PTPRG: variants seen among roughly 807,000 people sequenced by gnomAD.
PTPRG encodes the protein receptor-type tyrosine-protein phosphatase gamma.
Under a neutral mutation model 165.3 loss-of-function variants are expected in PTPRG, and 102 were observed. The ratio of observed to expected loss-of-function variants is 0.62; its 90% confidence interval spans 0.53 to 0.73. The LOEUF is 0.73. Ranked by LOEUF, PTPRG falls within the 30% of genes least tolerant of loss-of-function variation. The probability of loss-of-function intolerance (pLI) is 0.00; values close to 1 mark genes in which losing one functional copy is unlikely to be tolerated. For synonymous variants in PTPRG, 675 were observed against 669.5 expected, an observed-to-expected ratio of 1.01 and a Z score of -0.13; for missense variants, 1,866 against 1,861.4, an observed-to-expected ratio of 1.00 and a Z score of -0.05.
At position 61,924,519 on chromosome 3, in the gene PTPRG, T is replaced by C. The variant is rs184702566; in HGVS notation, c.191-65106T>C. Among the ~76,000 whole-genome samples the C allele has an allele frequency of 2.8e-4, 43 of 152,346 alleles. No homozygotes were observed. In the East Asian group the frequency reaches 8.3e-3, roughly 29 times the overall value. On this transcript the variant is annotated intron_variant, in intron 2 of 29. Coordinates refer to ENST00000474889, the MANE Select transcript of PTPRG (RefSeq NM_002841.4). ...TTAAAAAGTATGAGCTTAATTACAA[T>C]TGGCACAAATTGTTCAGCATCTCCC...
chr3:61,938,340 T>G (rs1305861140), intron 2 of PTPRG, among the ~76,000 whole-genome samples: 1 of 152,138 alleles, frequency 6.6e-6, no homozygotes, highest in East Asian at 1.9e-4. Flanking sequence ...GAAAATGGGT[T>G]TTAAGAAGGC....
intron 6 of PTPRG, among the ~76,000 whole-genome samples, chr3:62,149,778 A>T (rs77429441): frequency 6.6e-6 from 1 of 152,122 alleles, no homozygotes; most frequent in African/African-American, 2.4e-5. Context: ...TGCTGACTCC[A>T]TGTCTAGTGT....
intron 3 of PTPRG, among the ~76,000 whole-genome samples, chr3:61,991,820 A>G (rs185435326): frequency 6.6e-6 from 1 of 152,194 alleles, no homozygotes; most frequent in Non-Finnish European, 1.5e-5. Flanking sequence ...TTCGGCAAAG[A>G]TAACACGTTT....
intron 12 of PTPRG, among the ~76,000 whole-genome samples, chr3:62,211,762 G>A (rs1215584519): frequency 2.6e-5 from 4 of 152,116 alleles, no homozygotes; most frequent in African/African-American, 9.7e-5. Flanking sequence ...TTCTTGTCCT[G>A]TAGCAGAAGT....
chr3:61,683,055 G>A (rs144946408), intron 1 of PTPRG, among the ~76,000 whole-genome samples: 4 of 152,244 alleles, frequency 2.6e-5, no homozygotes, highest in African/African-American at 9.6e-5. Flanking sequence ...TTTGGTTTTA[G>A]GCCTAACAAA....
chr3:61,620,051 A>C (rs1433438807), intron 1 of PTPRG, among the ~76,000 whole-genome samples: 1 of 152,194 alleles, frequency 6.6e-6, no homozygotes, highest in Non-Finnish European at 1.5e-5. Context: ...TTTTGTATAC[A>C]CAGTTCAGAA....
intron 2 of PTPRG, among the ~76,000 whole-genome samples, chr3:61,854,656 A>G (rs1354232789): frequency 6.6e-6 from 1 of 152,174 alleles, no homozygotes; most frequent in African/African-American, 2.4e-5. Context: ...CTAGTGGACT[A>G]GATATAGATG....
chr3:61,778,065 C>G (rs1029964868), intron 2 of PTPRG, among the ~76,000 whole-genome samples: 3 of 152,168 alleles, frequency 2.0e-5, no homozygotes, highest in Admixed American at 6.5e-5. Flanking sequence ...TGTGGCTCCA[C>G]TGGAGGTTGT....
intron 1 of PTPRG, among the ~76,000 whole-genome samples, chr3:61,719,265 C>T (rs535756173): frequency 4.6e-5 from 7 of 152,290 alleles, no homozygotes; most frequent in East Asian, 1.9e-4. Context: ...AAGATGTAAT[C>T]GAGGAAAGGC....
intron 2 of PTPRG, among the ~76,000 whole-genome samples, chr3:61,887,119 CATGCATATATATATATAT>C (rs1262171113): frequency 0.067 from 6,940 of 103,302 alleles, 643 homozygotes; most frequent in African/African-American, 0.13. Context: ...ATAACCATAG[CATGCATATATATATATAT>C]ATATATATAT....
intron 1 of PTPRG, among the ~76,000 whole-genome samples, chr3:61,645,844 A>T (rs1356441499): frequency 6.6e-6 from 1 of 152,220 alleles, no homozygotes; most frequent in East Asian, 1.9e-4. Context: ...CCAATACCAG[A>T]TCTAGCCTAA....
chr3:62,041,052 G>A (rs1362338073), intron 4 of PTPRG, among the ~76,000 whole-genome samples: 1 of 152,196 alleles, frequency 6.6e-6, no homozygotes, highest in Non-Finnish European at 1.5e-5. Flanking sequence ...ACCATTCAGT[G>A]TCTCTGTCTC....
intron 28 of PTPRG, among the ~76,000 whole-genome samples, chr3:62,287,530 G>A (rs1702712452): frequency 6.6e-6 from 1 of 152,106 alleles, no homozygotes. Context: ...TAAAAGATAG[G>A]ATACTAGTGG....
intron 26 of PTPRG, among the ~76,000 whole-genome samples, chr3:62,281,158 C>T (rs1432870058): frequency 6.6e-6 from 1 of 151,990 alleles, no homozygotes; most frequent in East Asian, 1.9e-4. Flanking sequence ...AAATGCAGTT[C>T]AACTACAGAA....
At chr3:62,033,441 GCAACCT>G (rs1299183663) in intron 4 of PTPRG, among the ~76,000 whole-genome samples, 1 of 146,016 alleles carries the variant, frequency 6.8e-6, no homozygotes, top group Non-Finnish European at 1.5e-5. Flanking sequence ...ATGGCTCACT[GCAACCT>G]CAACCTCCCG....
intron 4 of PTPRG, among the ~76,000 whole-genome samples, chr3:62,036,760 G>T (rs1699952635): frequency 6.6e-6 from 1 of 152,220 alleles, no homozygotes; most frequent in African/African-American, 2.4e-5. Context: ...CATAGCTAAG[G>T]TAATGTGCTT....
intron 21 of PTPRG, 95 bp from the exon 22 acceptor site, chr3:62,272,851 A>G (rs771211768): frequency 3.8e-6 from 5 of 1,330,102 alleles, no homozygotes; most frequent in Non-Finnish European, 5.0e-6. Flanking sequence ...CAGAAAAATA[A>G]TAAAATAAAT....
chr3:62,074,352 C>CTTTTTTTTTTTTTTTTTTTTTT lies in PTPRG; in HGVS notation c.520-3790_520-3789insTTTTTTTTTTTTTTTTTTTTTT, dbSNP rs200189646. 2.6e-4 allele frequency among the ~76,000 whole-genome samples: 28 copies of CTTTTTTTTTTTTTTTTTTTTTT among 109,112 alleles called. 1 individual carries two copies. The highest frequency in any genetic ancestry group is 4.0e-4 in the Non-Finnish European group (22 of 55,056). The allele number at this position is 109,112 out of a possible 152,430, so 71.6% of individuals were successfully genotyped here. On this transcript the variant is annotated intron_variant, in intron 4 of 29. Transcript: ENST00000474889. ...TTTTTTCCTTTCTTTTCTTTTCTTT[C>CTTTTTTTTTTTTTTTTTTTTTT]TTTTTTTTTTTTTTTTTTTTTGAGA...
At chr3:61,756,410 G>T (rs925575138) in intron 2 of PTPRG, among the ~76,000 whole-genome samples, 14 of 152,124 alleles carry the variant, frequency 9.2e-5, no homozygotes, top group African/African-American at 3.4e-4. Context: ...AACACATATG[G>T]TCACACACTA....
Sources: gnomAD v4.1 joint callset for allele counts (sites outside exome capture counted in the v4.1 genomes callset) on GRCh38, gnomAD v4.1.1 for gene constraint, MANE v1.5 for transcripts, NCBI Gene and HGNC (gene_info 2026-07-23, HGNC 2026-07-21) for gene names.